The following SLC1A2 variants were observed in gnomAD, a reference collection of about 807,000 sequenced individuals.
SLC1A2 encodes solute carrier family 1 member 2.
In SLC1A2, 15 loss-of-function variants were observed where a neutral mutation model predicts 48.8. That is an observed-to-expected ratio of 0.31 (90% CI 0.21 to 0.47). SLC1A2 has a LOEUF of 0.47. Ranked by LOEUF, SLC1A2 falls within the 20% of genes least tolerant of loss-of-function variation. The pLI, the probability that SLC1A2 is intolerant of heterozygous loss-of-function variation, is 0.99. For synonymous variants in SLC1A2, 279 were observed against 272.6 expected, an observed-to-expected ratio of 1.02 and a Z score of -0.23; for missense variants, 502 against 730.5, an observed-to-expected ratio of 0.69 and a Z score of 3.61.
At chr11:35,418,011 C>A (rs577305318) in intron 1 of SLC1A2, among the ~76,000 whole-genome samples, 9 of 152,302 alleles carry the variant, frequency 5.9e-5, no homozygotes, top group Non-Finnish European at 1.0e-4. Context: ...TGAGTAACTG[C>A]AATTTTGGGA....
chr11:35,413,407 A>G (rs1855522937), intron 1 of SLC1A2, among the ~76,000 whole-genome samples: 1 of 152,214 alleles, frequency 6.6e-6, no homozygotes, highest in Admixed American at 6.5e-5. Flanking sequence ...AAATGAGGCT[A>G]AGAGTCACTC....
At chr11:35,301,196 G>A (rs1851344445) in intron 6 of SLC1A2, among the ~76,000 whole-genome samples, 1 of 152,122 alleles carries the variant, frequency 6.6e-6, no homozygotes. Flanking sequence ...AGAAATTTCT[G>A]TTGTTTCTAA....
intron 6 of SLC1A2, chr11:35,298,963 A>C (rs1036908945): frequency 1.1e-4 from 16 of 152,234 alleles, no homozygotes; most frequent in African/African-American, 3.4e-4. Context: ...AACAATGGAA[A>C]ATCCTAATGT....
chr11:35,287,470 C>A (rs920803126), intron 7 of SLC1A2, among the ~76,000 whole-genome samples: 3 of 152,172 alleles, frequency 2.0e-5, no homozygotes, highest in African/African-American at 7.2e-5. Flanking sequence ...ATTTCCATAA[C>A]AACAAACATG....
intron 1 of SLC1A2, among the ~76,000 whole-genome samples, chr11:35,345,301 C>G (rs1852988453): frequency 6.6e-6 from 1 of 152,000 alleles, no homozygotes; most frequent in Non-Finnish European, 1.5e-5. Context: ...TTTTGCAAAC[C>G]CAGCCTTGTC....
intron 3 of SLC1A2, among the ~76,000 whole-genome samples, chr11:35,312,767 C>T (rs1851747387): frequency 2.0e-5 from 3 of 152,198 alleles, no homozygotes; most frequent in Admixed American, 2.0e-4. Flanking sequence ...ATGTACATAA[C>T]TGTTATACTA....
chr11:35,346,378 C>G (rs7934047), intron 1 of SLC1A2, among the ~76,000 whole-genome samples: 1 of 151,984 alleles, frequency 6.6e-6, no homozygotes, highest in African/African-American at 2.4e-5. Context: ...ATGAGCCTCC[C>G]CAAGAATCAC....
At chr11:35,360,329 A>T (rs1853632134) in intron 1 of SLC1A2, among the ~76,000 whole-genome samples, 1 of 152,212 alleles carries the variant, frequency 6.6e-6, no homozygotes, top group African/African-American at 2.4e-5. Flanking sequence ...TCCTTAGGCA[A>T]GAACCATGGC....
chr11:35,394,942 G>T lies in SLC1A2; in HGVS notation c.17+24008C>A, dbSNP rs115824536. Among the ~76,000 whole-genome samples, 568 of 152,294 alleles carry T rather than the reference G, an allele frequency of 3.7e-3. 3 individuals are homozygous for T. Among genetic ancestry groups the T allele is most frequent in the African/African-American group, 0.013 (553 of 41,560 alleles). ...GTAGGTCTGGAAGGCAAGTGTCCTCGGAGATCTGTATGCCCTGTGTGCTAA... is the reference window on the plus strand; with the variant it reads ...GTAGGTCTGGAAGGCAAGTGTCCTCTGAGATCTGTATGCCCTGTGTGCTAA... On this transcript the variant is annotated intron_variant, in intron 1 of 10. Coordinates refer to ENST00000278379, the MANE Select transcript of SLC1A2 (RefSeq NM_004171.4).
intron 1 of SLC1A2, chr11:35,418,447 C>G (rs1156551058): frequency 6.5e-6 from 1 of 154,976 alleles, no homozygotes; most frequent in Non-Finnish European, 1.4e-5. Flanking sequence ...CCGATCGGAG[C>G]GGGCCCAGCA....
intron 7 of SLC1A2, among the ~76,000 whole-genome samples, chr11:35,288,507 G>A (rs41427147): frequency 0.26 from 39,255 of 152,028 alleles, 5,218 homozygotes; most frequent in Admixed American, 0.3. Flanking sequence ...AGGGTTGCCA[G>A]GACACCAGGA....
chr11:35,340,709 T>C (rs553045922), intron 1 of SLC1A2, among the ~76,000 whole-genome samples: 2 of 152,326 alleles, frequency 1.3e-5, no homozygotes, highest in East Asian at 3.9e-4. Context: ...CCCCTCCCCT[T>C]TGGCATCTCA....
intron 1 of SLC1A2, among the ~76,000 whole-genome samples, chr11:35,390,392 T>C (rs1854726150): frequency 6.6e-6 from 1 of 152,202 alleles, no homozygotes; most frequent in Admixed American, 6.5e-5. Context: ...CATTTCATTT[T>C]TAAAATTTGA....
intron 9 of SLC1A2, among the ~76,000 whole-genome samples, chr11:35,278,145 TA>T (rs1390557887): frequency 1.3e-5 from 2 of 152,160 alleles, no homozygotes; most frequent in African/African-American, 4.8e-5. Context: ...CACCTTCCGC[TA>T]AAGGTATTTC....
In SLC1A2 at chr11:35,301,603, T is replaced by C; in HGVS notation, c.773A>G (p.Lys258Arg). Residue 258 changes from lysine to arginine, a missense_variant, in exon 6 of 11, where the codon AAG becomes AGG. By Grantham distance (26) the Lys-to-Arg change is conservative. This residue lies in a region of SLC1A2 where 309 missense variants were observed against 480.3 expected (regional missense o/e 0.64). Coordinates refer to ENST00000278379, the MANE Select transcript of SLC1A2 (RefSeq NM_004171.4). ...CATCAGCTTGGCCTGATCTCCCATC[T>C]TCCCCATAGCGATGCCAAAAGCAAT... ...FFIAFGIAMG[K>R]MGDQAKLMVD... is the part of the protein sequence containing the mutation. 1 of 1,613,832 alleles carries C rather than the reference T, an allele frequency of 6.2e-7. No individual in the cohort carries two copies. Among genetic ancestry groups the C allele is most frequent in the Non-Finnish European group, 8.5e-7 (1 of 1,179,740 alleles).
At chr11:35,264,362 C>T (rs1395347197) in intron 10 of SLC1A2, among the ~76,000 whole-genome samples, 1 of 152,184 alleles carries the variant, frequency 6.6e-6, no homozygotes, top group Non-Finnish European at 1.5e-5. Context: ...TTAAATGTGA[C>T]CTTGTCAACA....
intron 1 of SLC1A2, among the ~76,000 whole-genome samples, chr11:35,324,484 G>A (rs1008821904): frequency 3.3e-5 from 5 of 152,176 alleles, no homozygotes; most frequent in African/African-American, 1.2e-4. Context: ...TGAAAGCACT[G>A]ATATAGTATC....
At position 35,388,646 on chromosome 11, in the gene SLC1A2, C is replaced by T. The variant is rs545375191; in HGVS notation, c.17+30304G>A. Among the ~76,000 whole-genome samples the T allele has an allele frequency of 1.3e-3, 192 of 152,310 alleles. 1 individual carries two copies. The highest frequency in any genetic ancestry group is 3.4e-3 in the Middle Eastern group (1 of 294). On this transcript the variant is annotated intron_variant, in intron 1 of 10. Transcript: ENST00000278379. ...TTGGACTCAAGTGATCCTCCCGCCT[C>T]GGCCTCCCAAAGTGCTGGGATTACA...
chr11:35,278,281 T>G (rs867091100), intron 9 of SLC1A2, among the ~76,000 whole-genome samples: 26 of 148,720 alleles, frequency 1.7e-4, no homozygotes, highest in Middle Eastern at 3.2e-3. Context: ...TTGTTTTTTT[T>G]TTTTTTTTTT....
Sources: gnomAD v4.1 joint callset for allele counts (sites outside exome capture counted in the v4.1 genomes callset) on GRCh38, gnomAD v4.1.1 for gene constraint, gnomAD v4.1.1 regional missense constraint, MANE v1.5 for transcripts, NCBI Gene and HGNC (gene_info 2026-07-23, HGNC 2026-07-21) for gene names.